TNRC18: variants seen among roughly 807,000 people sequenced by gnomAD.
TNRC18 encodes trinucleotide repeat-containing gene 18 protein.
Under a neutral mutation model 226.7 loss-of-function variants are expected in TNRC18, and 69 were observed. The observed-to-expected ratio is 0.30, with a 90% CI of 0.25 to 0.37. TNRC18 has a LOEUF of 0.37. TNRC18 is among the 10% of genes least tolerant of loss of function. The probability of loss-of-function intolerance (pLI) is 1.00; values close to 1 mark genes in which losing one functional copy is unlikely to be tolerated. For synonymous variants in TNRC18, 2,449 were observed against 1,927.6 expected (o/e 1.27, Z -7.09); for missense variants, 4,754 against 4,256.6 (o/e 1.12, Z -3.25).
chr7:5,342,241 C>T (rs1010987810), intron 18 of TNRC18, among the ~76,000 whole-genome samples: 11 of 152,072 alleles, frequency 7.2e-5, no homozygotes, highest in Admixed American at 5.9e-4. Context: ...CCAGTCTGGC[C>T]GACATGGCGA....
intron 14 of TNRC18, among the ~76,000 whole-genome samples, chr7:5,361,075 C>T (rs1009573623): frequency 6.6e-6 from 1 of 152,220 alleles, no homozygotes; most frequent in Non-Finnish European, 1.5e-5. Context: ...CTCATTCCAG[C>T]TGGCGTTCAG....
chr7:5,418,936 A>AG (rs534041200), intron 2 of TNRC18, among the ~76,000 whole-genome samples: 200 of 152,152 alleles, frequency 1.3e-3, no homozygotes, highest in African/African-American at 4.5e-3. Flanking sequence ...GAAGTGGGGG[A>AG]GGGGGACAGC....
At chr7:5,342,981 A>G (rs1167100190) in intron 18 of TNRC18, among the ~76,000 whole-genome samples, 1 of 152,166 alleles carries the variant, frequency 6.6e-6, no homozygotes, top group East Asian at 1.9e-4. Context: ...AAAGTTTACA[A>G]CTCACTAAAG....
At chr7:5,375,321 AAAACAAAC>A (rs71827731) in intron 9 of TNRC18, among the ~76,000 whole-genome samples, 2 of 151,596 alleles carry the variant, frequency 1.3e-5, no homozygotes, top group Non-Finnish European at 2.9e-5. Flanking sequence ...AAAAACAACA[AAAACAAAC>A]AAACAAACAA....
chr7:5,391,962 C>A (rs2128199496), intron 3 of TNRC18, among the ~76,000 whole-genome samples: 1 of 151,534 alleles, frequency 6.6e-6, no homozygotes. Context: ...AGCCCAGAGT[C>A]CTATGGGATC....
intron 24 of TNRC18, among the ~76,000 whole-genome samples, chr7:5,317,109 G>T (rs1787925790): frequency 6.6e-6 from 1 of 152,172 alleles, no homozygotes; most frequent in Non-Finnish European, 1.5e-5. Context: ...AATCTGGGCA[G>T]CCCCCTAACA....
chr7:5,406,979 G>A (rs1781515089), intron 2 of TNRC18, among the ~76,000 whole-genome samples: 1 of 152,202 alleles, frequency 6.6e-6, no homozygotes, highest in Admixed American at 6.5e-5. Context: ...CCTGCAGGGA[G>A]CTAGGGCCTT....
intron 20 of TNRC18, 70 bp downstream of exon 20, chr7:5,325,025 GC>G: frequency 5.4e-6 from 8 of 1,481,572 alleles, no homozygotes; most frequent in East Asian, 2.5e-5. Flanking sequence ...AGCAGGTGGA[GC>G]CCCCTGCCCT....
chr7:5,384,734 C>A (rs914546072), intron 5 of TNRC18, among the ~76,000 whole-genome samples: 2 of 152,230 alleles, frequency 1.3e-5, no homozygotes, highest in Non-Finnish European at 2.9e-5. Flanking sequence ...TTTCCATCAC[C>A]AAGCTGGCCA....
At chr7:5,389,471 T>TTTTTTTTTTTTTTTTCC in intron 4 of TNRC18, 135 bp from the exon 5 acceptor site, 1 of 923,910 alleles carries the variant, frequency 1.1e-6, no homozygotes, top group African/African-American at 1.9e-5. Context: ...GTTTTTTTTT[T>TTTTTTTTTTTTTTTTCC]CAGAAAGAGT....
intron 17 of TNRC18, among the ~76,000 whole-genome samples, chr7:5,351,165 T>TC (rs1159957508): frequency 1.3e-5 from 2 of 151,600 alleles, no homozygotes; most frequent in Admixed American, 6.6e-5. Context: ...GGCGGCACGG[T>TC]CCCGTCCCTA....
At chr7:5,316,645 T>C (rs1787881125) in intron 24 of TNRC18, among the ~76,000 whole-genome samples, 1 of 152,028 alleles carries the variant, frequency 6.6e-6, no homozygotes, top group Non-Finnish European at 1.5e-5. Context: ...CTGCGCCCGC[T>C]CATGCACAAG....
At chr7:5,350,519 T>C (rs1202398827) in intron 17 of TNRC18, among the ~76,000 whole-genome samples, 2 of 152,132 alleles carry the variant, frequency 1.3e-5, no homozygotes, top group Non-Finnish European at 2.9e-5. Flanking sequence ...CAGACCTTCC[T>C]CAGGGAGTAG....
At chr7:5,411,329 A>G (rs2128218889) in intron 2 of TNRC18, among the ~76,000 whole-genome samples, 2 of 152,008 alleles carry the variant, frequency 1.3e-5, no homozygotes, top group South Asian at 4.2e-4. Context: ...GCAGTCGAAT[A>G]TGGAAGGTGA....
chr7:5,356,469 A>T (rs1792392096), intron 16 of TNRC18, among the ~76,000 whole-genome samples: 1 of 152,252 alleles, frequency 6.6e-6, no homozygotes, highest in Admixed American at 6.5e-5. Flanking sequence ...GGTCCGCAAC[A>T]GACGGCATGC....
At chr7:5,414,217 G>A (rs1782015990) in intron 2 of TNRC18, among the ~76,000 whole-genome samples, 2 of 151,996 alleles carry the variant, frequency 1.3e-5, no homozygotes, top group South Asian at 2.1e-4. Context: ...AAAGTGCCGG[G>A]ATTACAGGCA....
intron 1 of TNRC18, chr7:5,423,119 A>G (rs2128227228): frequency 6.6e-6 from 1 of 152,308 alleles, no homozygotes; most frequent in South Asian, 2.1e-4. Flanking sequence ...ACAGCCTATA[A>G]TCGAAAACGT....
chr7:5,335,746 G>C (rs1243705175), intron 18 of TNRC18, among the ~76,000 whole-genome samples: 1 of 148,368 alleles, frequency 6.7e-6, no homozygotes, highest in Non-Finnish European at 1.5e-5. Context: ...AAAGTGATCT[G>C]AACAGAGGCC....
At chr7:5,332,456 A>C (rs1583803799) in intron 19 of TNRC18, among the ~76,000 whole-genome samples, 166 bp downstream of exon 19, 1 of 152,208 alleles carries the variant, frequency 6.6e-6, no homozygotes, top group African/African-American at 2.4e-5. Context: ...ACAGGTGCCC[A>C]GCTCCTGCTG....
Sources: allele counts gnomAD v4.1 joint callset (sites outside exome capture counted in the v4.1 genomes callset), GRCh38; gene constraint gnomAD v4.1.1; transcripts MANE v1.5; gene names NCBI Gene and HGNC (gene_info 2026-07-23, HGNC 2026-07-21).